The following SNRPD3 variants were observed in gnomAD, a reference collection of about 807,000 sequenced individuals.
SNRPD3 encodes small nuclear ribonucleoprotein D3 polypeptide.
For synonymous variants in SNRPD3, 66 were observed against 58.4 expected (o/e 1.13, Z -0.59); for missense variants, 73 against 167.5 (o/e 0.44, Z 3.11).
intron 3 of SNRPD3, among the ~76,000 whole-genome samples, chr22:24,570,100 A>G (rs887508844): frequency 2.0e-5 from 3 of 152,224 alleles, no homozygotes; most frequent in Non-Finnish European, 4.4e-5. Context: ...GGGGTTGGGA[A>G]ACCCCGCGAG....
Position 24,572,062 on chromosome 22 carries a change from G to C in SNRPD3, c.*85G>C. 1.3e-6 allele frequency: 2 copies of C among 1,585,162 alleles called. No individual in the cohort carries two copies. Among genetic ancestry groups the C allele is most frequent in the African/African-American group, 2.7e-5 (2 of 73,834 alleles). ...GTGGGTGCTTGTGCATATATGCTAG[G>C]TATCTTTTGCCATCTTTCTCTTTAG... On this transcript the variant is annotated 3_prime_UTR_variant, in exon 4 of 4. Coordinates refer to ENST00000215829, the MANE Select transcript of SNRPD3 (RefSeq NM_004175.5).
At chr22:24,558,508 T>A (rs2045102020) in intron 2 of SNRPD3, among the ~76,000 whole-genome samples, 1 of 152,242 alleles carries the variant, frequency 6.6e-6, no homozygotes, top group African/African-American at 2.4e-5. Context: ...ACTTTAGATG[T>A]ATTAACCACT....
rs2147133435 is a variant in SNRPD3 at position 24,572,472 on chromosome 22, T to TAA, written c.*496_*497dup. The TAA allele has an allele frequency of 3.6e-6, 1 of 275,626 alleles. No individual in the cohort carries two copies. Among genetic ancestry groups the TAA allele is most frequent in the African/African-American group, 2.2e-5 (1 of 44,450 alleles). The allele number at this position is 275,626 out of a possible 1,614,324, so 17.1% of individuals were successfully genotyped here. A position where few individuals can be genotyped will look rare whatever the true frequency, so the allele number is the denominator to read the frequency against. Reference sequence around the variant, plus strand: ...CTCTTTCCCTTGATAAAGTCATAGGTAATTCAGGGGCTGGGTGCGGCGGCT... The same window carrying TAA: ...CTCTTTCCCTTGATAAAGTCATAGGTAAAATTCAGGGGCTGGGTGCGGCGGCT... On this transcript the variant is annotated 3_prime_UTR_variant, in exon 4 of 4. Coordinates refer to ENST00000215829, the MANE Select transcript of SNRPD3 (RefSeq NM_004175.5).
chr22:24,571,693 G>A (rs180945036), intron 3 of SNRPD3, among the ~76,000 whole-genome samples: 16 of 151,646 alleles, frequency 1.1e-4, no homozygotes, highest in East Asian at 7.8e-4. Context: ...GCAGTGAGCC[G>A]AGATCATGCC....
rs566504695 is a variant in SNRPD3 at position 24,574,285 on chromosome 22, T to A, written c.*2308T>A. On this transcript the variant is annotated 3_prime_UTR_variant, in exon 4 of 4. Transcript: ENST00000215829. ...AACTGGCTATAACCCTACCTAGATC[T>A]GAAAAGTGAAGGGGGATCAACCTAA... 2.0e-5 allele frequency among the ~76,000 whole-genome samples: 3 copies of A among 152,338 alleles called. No homozygotes were observed. The South Asian group carries it at 6.2e-4, about 32-fold the overall frequency.
At chr22:24,560,584 A>C (rs1449618682) in intron 2 of SNRPD3, among the ~76,000 whole-genome samples, 2 of 149,274 alleles carry the variant, frequency 1.3e-5, no homozygotes, top group Non-Finnish European at 3.0e-5. Context: ...AGCTGGGACT[A>C]TGCCCAGCTA....
At chr22:24,562,732 A>G (rs907814943) in intron 2 of SNRPD3, among the ~76,000 whole-genome samples, 3 of 152,178 alleles carry the variant, frequency 2.0e-5, no homozygotes, top group African/African-American at 7.2e-5. Flanking sequence ...AAAAAATTCT[A>G]TGGCAGGATA....
chr22:24,573,632 T>C lies in SNRPD3; in HGVS notation c.*1655T>C, dbSNP rs2147134559. ...CCCCACGCCTATAATGCCAGCACTT[T>C]GGGAGGTCGAGGCGGGAGGATCACT... is the stretch of plus-strand genomic sequence containing the variant. On this transcript the variant is annotated 3_prime_UTR_variant, in exon 4 of 4. Coordinates refer to ENST00000215829, the MANE Select transcript of SNRPD3 (RefSeq NM_004175.5). 6.6e-6 allele frequency among the ~76,000 whole-genome samples: 1 copy of C among 151,844 alleles called. No individual in the cohort carries two copies. Among genetic ancestry groups the C allele is most frequent in the East Asian group, 2.0e-4 (1 of 5,118 alleles).
chr22:24,558,802 G>A (rs1469367226), intron 2 of SNRPD3, among the ~76,000 whole-genome samples: 1 of 152,154 alleles, frequency 6.6e-6, no homozygotes, highest in Non-Finnish European at 1.5e-5. Context: ...TCTAGCATGG[G>A]GCAGAAATGG....
chr22:24,560,107 T>TTTTTC (rs1174588239), intron 2 of SNRPD3, among the ~76,000 whole-genome samples: 2 of 2,902 alleles, frequency 6.9e-4, no homozygotes, highest in African/African-American at 8.8e-4. Flanking sequence ...TTTTTTTTTT[T>TTTTTC]TTGAGATGGA....
chr22:24,568,696 A>T (rs2045219728), intron 3 of SNRPD3, among the ~76,000 whole-genome samples: 5 of 149,822 alleles, frequency 3.3e-5, no homozygotes, highest in Admixed American at 2.7e-4. Context: ...AGCTGGGATT[A>T]CAGGCACCCG....
intron 2 of SNRPD3, among the ~76,000 whole-genome samples, chr22:24,563,202 A>ATGTGTGTGTGTGTGTGTG (rs1491542810): frequency 5.0e-5 from 7 of 138,814 alleles, no homozygotes; most frequent in African/African-American, 1.7e-4. Flanking sequence ...ACCCTGTCTC[A>ATGTGTGTGTGTGTGTGTG]TATATGTGTG....
At position 24,574,627 on chromosome 22, in the gene SNRPD3, A is replaced by G. The variant is rs545977899; in HGVS notation, c.*2650A>G. ...ACAATCATGGCTCACTGCAGCCTCAACCTTCTCGGGCTCAGGTGATTCTCC... is the reference window on the plus strand; with the variant it reads ...ACAATCATGGCTCACTGCAGCCTCAGCCTTCTCGGGCTCAGGTGATTCTCC... On this transcript the variant is annotated 3_prime_UTR_variant, in exon 4 of 4. Transcript: ENST00000215829. Among the ~76,000 whole-genome samples the G allele has an allele frequency of 2.9e-4, 44 of 152,214 alleles. 1 individual carries two copies. Among genetic ancestry groups the G allele is most frequent in the Admixed American group, 2.7e-3 (41 of 15,280 alleles).
At chr22:24,556,212 C>T (rs545268024) in intron 1 of SNRPD3, 141 bp downstream of exon 1, 14 of 353,118 alleles carry the variant, frequency 4.0e-5, no homozygotes, top group African/African-American at 2.9e-4. Context: ...TCAGCGTCGC[C>T]TCACTAGCTC....
At chr22:24,564,944 C>T (rs1413040093) in intron 2 of SNRPD3, among the ~76,000 whole-genome samples, 2 of 141,006 alleles carry the variant, frequency 1.4e-5, no homozygotes, top group Non-Finnish European at 3.0e-5. Context: ...AATGCAGTGT[C>T]ATAATCATAG....
At chr22:24,560,530 T>C (rs1292446318) in intron 2 of SNRPD3, among the ~76,000 whole-genome samples, 1 of 134,994 alleles carries the variant, frequency 7.4e-6, no homozygotes, top group Non-Finnish European at 1.5e-5. Flanking sequence ...CTGCAACCTC[T>C]GCCTCCTGGG....
chr22:24,559,511 C>T lies in SNRPD3; in HGVS notation c.126+1711C>T, dbSNP rs148715064. On this transcript the variant is annotated intron_variant, in intron 2 of 3. Coordinates refer to ENST00000215829, the MANE Select transcript of SNRPD3 (RefSeq NM_004175.5). ...TTTCCAGGGCCTTTGTCATCCCATCCGTAACGTGAAGGTGTCTAACCAGAT... is the reference window on the plus strand; with the variant it reads ...TTTCCAGGGCCTTTGTCATCCCATCTGTAACGTGAAGGTGTCTAACCAGAT... Among the ~76,000 whole-genome samples, 741 of 152,232 alleles carry T rather than the reference C, an allele frequency of 4.9e-3. 9 individuals carry two copies. The highest frequency in any genetic ancestry group is 0.017 in the African/African-American group (705 of 41,540).
At chr22:24,569,052 G>A (rs1314078552) in intron 3 of SNRPD3, among the ~76,000 whole-genome samples, 1 of 152,052 alleles carries the variant, frequency 6.6e-6, no homozygotes, top group Non-Finnish European at 1.5e-5. Flanking sequence ...GTGTGGGATC[G>A]CTTGCCCTTG....
intron 2 of SNRPD3, among the ~76,000 whole-genome samples, chr22:24,567,560 A>G (rs2045207495): frequency 6.6e-6 from 1 of 152,180 alleles, no homozygotes; most frequent in Admixed American, 6.5e-5. Flanking sequence ...CAGCCTGTCC[A>G]ACCTGGTGAA....
Sources: allele counts gnomAD v4.1 joint callset (sites outside exome capture counted in the v4.1 genomes callset), GRCh38; gene constraint gnomAD v4.1.1; transcripts MANE v1.5; gene names NCBI Gene and HGNC (gene_info 2026-07-23, HGNC 2026-07-21).